GADL1: variants seen among roughly 807,000 people sequenced by gnomAD.
The protein encoded by GADL1 is acidic amino acid decarboxylase GADL1.
A neutral mutation model predicts 69.5 loss-of-function variants in GADL1; 71 were observed. That is an observed-to-expected ratio of 1.02 (90% confidence interval 0.84 to 1.25). The LOEUF is 1.25. GADL1 is among the 50% of genes most tolerant of loss of function. The pLI is 0.00. For missense variants in GADL1, 737 were observed against 631.8 expected (o/e 1.17, Z -1.79); for synonymous variants, 254 against 214.4 (o/e 1.18, Z -1.62).
intron 12 of GADL1, among the ~76,000 whole-genome samples, chr3:30,797,017 A>G (rs1321130851): frequency 1.3e-5 from 2 of 152,170 alleles, no homozygotes; most frequent in African/African-American, 2.4e-5. Context: ...ACCTCCTCAC[A>G]TTGGGTTTAG....
Position 30,728,920 on chromosome 3 carries a change from A to G in GADL1, c.1393-505T>C, listed in dbSNP as rs1036887123. Among the ~76,000 whole-genome samples, 30 of 151,772 alleles carry G rather than the reference A, an allele frequency of 2.0e-4. 2 individuals carry two copies. The highest frequency in any genetic ancestry group is 1.9e-3 in the Admixed American group (29 of 15,226). The stretch of plus-strand genomic sequence containing the variant: ...CCTTCCAGTTGTCTACCAAGAAAAA[A>G]CAAATATGGATATTATGTACAGTTC... On this transcript the variant is annotated intron_variant, in intron 14 of 14. Coordinates refer to ENST00000282538, the MANE Select transcript of GADL1 (RefSeq NM_207359.3).
At chr3:30,891,514 G>T (rs1411845040) in intron 1 of GADL1, among the ~76,000 whole-genome samples, 3 of 152,108 alleles carry the variant, frequency 2.0e-5, no homozygotes, top group African/African-American at 7.2e-5. Flanking sequence ...CCAGGTCACT[G>T]GCCCATATTC....
intron 1 of GADL1, among the ~76,000 whole-genome samples, chr3:30,885,211 G>A (rs1401787244): frequency 1.3e-5 from 2 of 151,952 alleles, no homozygotes; most frequent in Non-Finnish European, 2.9e-5. Context: ...GAATTGCACT[G>A]TTCCTCCATT....
At chr3:30,856,956 T>A (rs1575236757) in intron 3 of GADL1, 59 bp downstream of exon 3, 2 of 1,433,222 alleles carry the variant, frequency 1.4e-6, no homozygotes, top group East Asian at 5.0e-5. Context: ...TTTGAGAGGC[T>A]TTGCAAACAT....
intron 14 of GADL1, among the ~76,000 whole-genome samples, chr3:30,748,019 AC>A (rs564746989): frequency 2.0e-3 from 298 of 152,332 alleles, no homozygotes; most frequent in Non-Finnish European, 3.5e-3. Flanking sequence ...AGTACAGCCT[AC>A]AAAAAAATTC....
chr3:30,752,463 A>G (rs895836034), intron 14 of GADL1, among the ~76,000 whole-genome samples: 1 of 152,134 alleles, frequency 6.6e-6, no homozygotes, highest in African/African-American at 2.4e-5. Flanking sequence ...CTTTTAGATA[A>G]TGCTCTGTAT....
intron 11 of GADL1, among the ~76,000 whole-genome samples, chr3:30,806,503 G>A (rs1697257829): frequency 6.6e-6 from 1 of 152,076 alleles, no homozygotes; most frequent in Admixed American, 6.5e-5. Context: ...CAAATATTTG[G>A]GTACCTTAAT....
At chr3:30,811,052 C>G (rs1021104052) in intron 11 of GADL1, among the ~76,000 whole-genome samples, 1 of 152,134 alleles carries the variant, frequency 6.6e-6, no homozygotes, top group African/African-American at 2.4e-5. Flanking sequence ...ACTCCCCTTC[C>G]CCTTCCAGAA....
In GADL1 at chr3:30,800,684, C is replaced by T. The variant is rs149669319; in HGVS notation, c.1250+205G>A. 2,819 of 581,442 alleles carry T rather than the reference C, an allele frequency of 4.8e-3. 60 individuals carry two copies. Among genetic ancestry groups the T allele is most frequent in the Admixed American group, 0.046 (1,549 of 33,560 alleles). The allele number at this position is 581,442 out of a possible 1,614,324, so 36.0% of individuals were successfully genotyped here. On this transcript the variant is annotated intron_variant, in intron 12 of 14. Transcript: ENST00000282538. Reference sequence around the variant, plus strand: ...GATAGGACTGCTCTGTTCATAATTCCTAACACTTAGTAGGTACTGAGAAAA... The same window carrying T: ...GATAGGACTGCTCTGTTCATAATTCTTAACACTTAGTAGGTACTGAGAAAA...
chr3:30,743,220 T>C (rs1198903668), intron 14 of GADL1, among the ~76,000 whole-genome samples: 1 of 152,174 alleles, frequency 6.6e-6, no homozygotes, highest in African/African-American at 2.4e-5. Context: ...CAGAAATATA[T>C]GCATTTAACA....
intron 12 of GADL1, among the ~76,000 whole-genome samples, chr3:30,791,368 G>T (rs1696910302): frequency 6.6e-6 from 1 of 152,066 alleles, no homozygotes; most frequent in Non-Finnish European, 1.5e-5. Context: ...AATAACTTTA[G>T]AAGATTCTAA....
chr3:30,799,150 T>G (rs1298332613), intron 12 of GADL1: 1 of 152,262 alleles, frequency 6.6e-6, no homozygotes, highest in Non-Finnish European at 1.5e-5. Context: ...GTAGGGACTC[T>G]GTGTGGGGGC....
chr3:30,761,423 C>T (rs940708742), intron 14 of GADL1, among the ~76,000 whole-genome samples: 5 of 152,094 alleles, frequency 3.3e-5, no homozygotes, highest in South Asian at 2.1e-4. Flanking sequence ...CACCCAGTGT[C>T]GGTGGCGCAC....
chr3:30,761,239 T>G (rs1296166859), intron 14 of GADL1, among the ~76,000 whole-genome samples: 1 of 146,032 alleles, frequency 6.8e-6, no homozygotes, highest in Admixed American at 7.0e-5. Flanking sequence ...CTATCGTGGA[T>G]AGCAATGAGA....
chr3:30,844,135 CCT>C (rs1230767832), intron 8 of GADL1, 73 bp downstream of exon 8: 4 of 1,113,416 alleles, frequency 3.6e-6, no homozygotes, highest in African/African-American at 3.1e-5. Context: ...CTTGCTATTC[CCT>C]CTCTTTCATA....
At position 30,746,171 on chromosome 3, in the gene GADL1, T is replaced by A. The variant is rs570156477; in HGVS notation, c.1393-17756A>T. Among the ~76,000 whole-genome samples, 86 of 152,148 alleles carry A rather than the reference T, an allele frequency of 5.7e-4. 2 individuals are homozygous for A. The South Asian group carries it at 0.017, about 31-fold the overall frequency. On this transcript the variant is annotated intron_variant, in intron 14 of 14. Transcript: ENST00000282538. ...GCCTGGCTAATTTTTGTAGTTTTAGTAGAGACAGGGTTTCACCATGTTCAC... is the reference window on the plus strand; with the variant it reads ...GCCTGGCTAATTTTTGTAGTTTTAGAAGAGACAGGGTTTCACCATGTTCAC...
chr3:30,775,709 AT>A lies in GADL1; in HGVS notation c.1392+2469del, dbSNP rs1696522222. 2.0e-5 allele frequency among the ~76,000 whole-genome samples: 3 copies of A among 152,196 alleles called. No individual in the cohort carries two copies. The East Asian group carries it at 5.8e-4, about 29-fold the overall frequency. ...TCCAAGATGGCTGACAGTAAAAAAAATAAACTGGATATTTACTGTATGATCA... is the reference window on the plus strand; with the variant it reads ...TCCAAGATGGCTGACAGTAAAAAAAAAAACTGGATATTTACTGTATGATCA... On this transcript the variant is annotated intron_variant, in intron 14 of 14. Transcript: ENST00000282538.
intron 12 of GADL1, chr3:30,798,897 A>C (rs547359091): frequency 1.3e-5 from 2 of 150,038 alleles, no homozygotes; most frequent in African/African-American, 4.8e-5. Flanking sequence ...CCAGCAGGGC[A>C]GTCAAATTCT....
At chr3:30,732,655 T>G (rs979968827) in intron 14 of GADL1, among the ~76,000 whole-genome samples, 5 of 152,242 alleles carry the variant, frequency 3.3e-5, no homozygotes, top group Non-Finnish European at 5.9e-5. Context: ...TGACCAGGCA[T>G]CATTATTGCC....
Sources: gnomAD v4.1 joint callset for allele counts (sites outside exome capture counted in the v4.1 genomes callset) on GRCh38, gnomAD v4.1.1 for gene constraint, MANE v1.5 for transcripts, NCBI Gene and HGNC (gene_info 2026-07-23, HGNC 2026-07-21) for gene names.